SHISA6: variants seen among roughly 807,000 people sequenced by gnomAD.
The protein encoded by SHISA6 is shisa family member 6.
A neutral mutation model predicts 47.9 loss-of-function variants in SHISA6; 22 were observed. That is an observed-to-expected ratio of 0.46 (90% CI 0.33 to 0.66). SHISA6 has a LOEUF of 0.66. SHISA6 is among the 30% of genes least tolerant of loss of function. SHISA6 has a pLI of 0.02. For missense variants in SHISA6, 680 were observed against 764.6 expected (o/e 0.89, Z 1.30); for synonymous variants, 388 against 337.8 (o/e 1.15, Z -1.63).
chr17:11,416,158 G>A (rs1914273728), intron 3 of SHISA6, among the ~76,000 whole-genome samples: 1 of 152,134 alleles, frequency 6.6e-6, no homozygotes, highest in Non-Finnish European at 1.5e-5. Context: ...TGGGCATTTA[G>A]GCTTCAACAT....
chr17:11,390,603 TA>T (rs1302929309), intron 3 of SHISA6, among the ~76,000 whole-genome samples: 1 of 151,328 alleles, frequency 6.6e-6, no homozygotes, highest in Admixed American at 6.7e-5. Context: ...TGATAAAAAA[TA>T]TTTTTTTTTA....
At chr17:11,393,770 A>G (rs1913471093) in intron 3 of SHISA6, among the ~76,000 whole-genome samples, 1 of 152,186 alleles carries the variant, frequency 6.6e-6, no homozygotes. Flanking sequence ...AAGGCTCTAC[A>G]TCATCTAGCC....
intron 3 of SHISA6, among the ~76,000 whole-genome samples, chr17:11,430,251 A>T (rs1363894593): frequency 6.6e-6 from 1 of 152,158 alleles, no homozygotes; most frequent in African/African-American, 2.4e-5. Flanking sequence ...CCATAGGAGA[A>T]CTGCAGTTTC....
At chr17:11,450,586 GA>G (rs1364003580) in intron 3 of SHISA6, among the ~76,000 whole-genome samples, 1 of 152,048 alleles carries the variant, frequency 6.6e-6, no homozygotes, top group Non-Finnish European at 1.5e-5. Flanking sequence ...TTGAACCCAG[GA>G]GACAGATGTT....
chr17:11,508,442 T>A (rs1395323541), intron 3 of SHISA6, among the ~76,000 whole-genome samples: 1 of 140,322 alleles, frequency 7.1e-6, no homozygotes, highest in Non-Finnish European at 1.6e-5. Context: ...TAATCACCTC[T>A]TAAAGGACCT....
At chr17:11,300,130 G>A (rs1484106997) in intron 2 of SHISA6, among the ~76,000 whole-genome samples, 2 of 130,096 alleles carry the variant, frequency 1.5e-5, no homozygotes, top group African/African-American at 5.7e-5. Flanking sequence ...GTGCGACAGA[G>A]CAAGACTCCA....
chr17:11,247,049 G>A (rs1306330732), intron 1 of SHISA6, among the ~76,000 whole-genome samples: 2 of 152,116 alleles, frequency 1.3e-5, no homozygotes, highest in Non-Finnish European at 2.9e-5. Flanking sequence ...CGACTGCTAA[G>A]GTACCAAGTT....
At chr17:11,490,579 C>T (rs973358) in intron 3 of SHISA6, among the ~76,000 whole-genome samples, 67,244 of 151,992 alleles carry the variant, frequency 0.44, 15,353 homozygotes, top group African/African-American at 0.55. Flanking sequence ...CTCCAGCGGT[C>T]TCTGAGCCCA....
At chr17:11,353,084 C>A (rs1275106413) in intron 2 of SHISA6, among the ~76,000 whole-genome samples, 1 of 152,150 alleles carries the variant, frequency 6.6e-6, no homozygotes, top group Non-Finnish European at 1.5e-5. Context: ...ATGTTTCTTT[C>A]AAGTTACATC....
rs141768788 is a variant in SHISA6 at position 11,476,996 on chromosome 17, T to C, written c.896-74900T>C. Among the ~76,000 whole-genome samples the C allele has an allele frequency of 1.6e-3, 248 of 152,318 alleles. 1 individual carries two copies. The highest frequency in any genetic ancestry group is 5.7e-3 in the African/African-American group (237 of 41,590). ...TACGTCTTCTTTGAGAAGTGGTCCT[T>C]TTATTTTTATGTAATACCTGTTCTT... On this transcript the variant is annotated intron_variant, in intron 3 of 5. Transcript: ENST00000441885.
At chr17:11,449,362 G>A (rs1303920717) in intron 3 of SHISA6, among the ~76,000 whole-genome samples, 1 of 152,098 alleles carries the variant, frequency 6.6e-6, no homozygotes, top group African/African-American at 2.4e-5. Context: ...AGAATTGCTT[G>A]ACTCTGAGAA....
At chr17:11,472,478 C>T (rs1308292333) in intron 3 of SHISA6, among the ~76,000 whole-genome samples, 1 of 152,174 alleles carries the variant, frequency 6.6e-6, no homozygotes, top group South Asian at 2.1e-4. Flanking sequence ...GGATTATAGG[C>T]ATGAACCATG....
chr17:11,242,854 G>A (rs1907423740), intron 1 of SHISA6, among the ~76,000 whole-genome samples: 1 of 152,168 alleles, frequency 6.6e-6, no homozygotes, highest in Admixed American at 6.5e-5. Flanking sequence ...ATGCTGCCCC[G>A]ACGCACCATC....
intron 3 of SHISA6, among the ~76,000 whole-genome samples, chr17:11,466,011 C>T (rs1279821051): frequency 6.6e-6 from 1 of 152,092 alleles, no homozygotes; most frequent in Non-Finnish European, 1.5e-5. Context: ...GGGACTACAA[C>T]TGAAGGAATG....
chr17:11,375,686 G>A (rs1912775649), intron 2 of SHISA6, among the ~76,000 whole-genome samples: 1 of 152,154 alleles, frequency 6.6e-6, no homozygotes, highest in Admixed American at 6.5e-5. Context: ...TCTGCCTCCT[G>A]CCTGGGGACA....
At chr17:11,444,598 C>T (rs1033525445) in intron 3 of SHISA6, among the ~76,000 whole-genome samples, 4 of 152,104 alleles carry the variant, frequency 2.6e-5, no homozygotes, top group African/African-American at 4.8e-5. Flanking sequence ...AAAATGAAAA[C>T]AACAACAATA....
intron 3 of SHISA6, among the ~76,000 whole-genome samples, chr17:11,538,867 G>T (rs1349895162): frequency 6.6e-6 from 1 of 152,142 alleles, no homozygotes; most frequent in Non-Finnish European, 1.5e-5. Flanking sequence ...CTGGAGTGTG[G>T]TGATCAGGCC....
At chr17:11,474,032 G>C (rs1391281704) in intron 3 of SHISA6, among the ~76,000 whole-genome samples, 1 of 152,066 alleles carries the variant, frequency 6.6e-6, no homozygotes, top group African/African-American at 2.4e-5. Flanking sequence ...TCCTGTGTTA[G>C]TTTGTTGAGA....
intron 2 of SHISA6, among the ~76,000 whole-genome samples, chr17:11,337,261 C>A (rs1206200561): frequency 1.3e-5 from 2 of 152,140 alleles, no homozygotes; most frequent in East Asian, 3.9e-4. Context: ...TCGTGCGATA[C>A]ATGAATGAGC....
Sources: allele counts gnomAD v4.1 joint callset (sites outside exome capture counted in the v4.1 genomes callset), GRCh38; gene constraint gnomAD v4.1.1; transcripts MANE v1.5; gene names NCBI Gene and HGNC (gene_info 2026-07-23, HGNC 2026-07-21).